PPFIA2: variants seen among roughly 807,000 people sequenced by gnomAD.
The protein encoded by PPFIA2 is liprin-alpha-2.
Under a neutral mutation model 175.5 loss-of-function variants are expected in PPFIA2, and 46 were observed. That is an observed-to-expected ratio of 0.26 (90% CI 0.21 to 0.34). PPFIA2 has a LOEUF of 0.34. Ranked by LOEUF, PPFIA2 falls within the 10% of genes least tolerant of loss-of-function variation. PPFIA2 has a pLI of 1.00. For missense variants in PPFIA2, 1,179 were observed against 1,506.1 expected, an observed-to-expected ratio of 0.78 and a Z score of 3.60; for synonymous variants, 568 against 511.4, an observed-to-expected ratio of 1.11 and a Z score of -1.49.
chr12:81,640,870 T>A (rs1238008960), intron 4 of PPFIA2, among the ~76,000 whole-genome samples: 2 of 151,966 alleles, frequency 1.3e-5, no homozygotes, highest in Non-Finnish European at 2.9e-5. Context: ...CATTTACAGT[T>A]TTTTTTTGCA....
intron 4 of PPFIA2, among the ~76,000 whole-genome samples, chr12:81,582,913 T>C (rs982002126): frequency 1.8e-4 from 27 of 151,514 alleles, no homozygotes; most frequent in Non-Finnish European, 3.5e-4. Flanking sequence ...TTCCGGGGAG[T>C]TTTTCTATTT....
At chr12:81,733,577 A>AT (rs1478524316) in intron 3 of PPFIA2, among the ~76,000 whole-genome samples, 3 of 151,688 alleles carry the variant, frequency 2.0e-5, no homozygotes, top group Admixed American at 2.0e-4. Context: ...CTTTTCTGAG[A>AT]TTTTATCTAT....
In PPFIA2 at chr12:81,500,186, C is replaced by G. The variant is rs575625951; in HGVS notation, c.304-42320G>C. ...GCCATATTCAAATCAAAATCCTGCCCTTTGGTAGTTATAAGACACACAAAA... is the reference window on the plus strand; with the variant it reads ...GCCATATTCAAATCAAAATCCTGCCGTTTGGTAGTTATAAGACACACAAAA... On this transcript the variant is annotated intron_variant, in intron 4 of 32. Transcript: ENST00000549396. 3.8e-3 allele frequency among the ~76,000 whole-genome samples: 575 copies of G among 152,236 alleles called. 3 individuals carry two copies. The highest frequency in any genetic ancestry group is 0.013 in the African/African-American group (538 of 41,532).
chr12:81,428,181 C>T (rs1271242113), intron 7 of PPFIA2, among the ~76,000 whole-genome samples: 1 of 151,716 alleles, frequency 6.6e-6, no homozygotes, highest in Non-Finnish European at 1.5e-5. Flanking sequence ...AAAAAGCATT[C>T]AAAATCTCCA....
At chr12:81,413,182 T>C (rs1437748694) in intron 7 of PPFIA2, among the ~76,000 whole-genome samples, 3 of 151,762 alleles carry the variant, frequency 2.0e-5, no homozygotes, top group African/African-American at 7.3e-5. Flanking sequence ...CATTACTTAT[T>C]CTCAGTTCTT....
At chr12:81,568,106 T>C (rs532373605) in intron 4 of PPFIA2, among the ~76,000 whole-genome samples, 1 of 152,242 alleles carries the variant, frequency 6.6e-6, no homozygotes, top group Admixed American at 6.5e-5. Context: ...GCAATTCATG[T>C]AAACTTCCTC....
intron 4 of PPFIA2, among the ~76,000 whole-genome samples, chr12:81,675,199 T>TACACAC (rs34965629): frequency 2.7e-5 from 4 of 148,562 alleles, no homozygotes; most frequent in Non-Finnish European, 6.0e-5. Context: ...TATACACACA[T>TACACAC]ACACACACAC....
rs550931766 is a variant in PPFIA2 at position 81,725,151 on chromosome 12, G to C, written c.249+28822C>G. 8.0e-5 allele frequency among the ~76,000 whole-genome samples: 12 copies of C among 150,610 alleles called. No individual in the cohort carries two copies. The South Asian group carries it at 2.5e-3, about 31-fold the overall frequency. On this transcript the variant is annotated intron_variant, in intron 3 of 32. Coordinates refer to ENST00000549396, the MANE Select transcript of PPFIA2 (RefSeq NM_003625.5). ...ATTAATTCAGCTTTTTTTCAGTTAT[G>C]TCAGATCAAGGGAACAAAAATAATA...
intron 4 of PPFIA2, among the ~76,000 whole-genome samples, chr12:81,657,928 C>T (rs1421116546): frequency 6.6e-6 from 1 of 152,080 alleles, no homozygotes; most frequent in Non-Finnish European, 1.5e-5. Flanking sequence ...CAAAATTAAT[C>T]ATTTATTTAT....
chr12:81,268,349 G>T (rs376583255), intron 28 of PPFIA2, among the ~76,000 whole-genome samples: 1 of 151,160 alleles, frequency 6.6e-6, no homozygotes, highest in African/African-American at 2.4e-5. Flanking sequence ...CGTTTTAGCC[G>T]GGATGGTCTC....
At chr12:81,609,836 G>A (rs1194060946) in intron 4 of PPFIA2, among the ~76,000 whole-genome samples, 1 of 152,144 alleles carries the variant, frequency 6.6e-6, no homozygotes, top group African/African-American at 2.4e-5. Flanking sequence ...TGGTTGCTAT[G>A]TAGATTTGAT....
chr12:81,730,964 T>A (rs960680952), intron 3 of PPFIA2, among the ~76,000 whole-genome samples: 2 of 151,526 alleles, frequency 1.3e-5, no homozygotes, highest in African/African-American at 4.8e-5. Context: ...GAATGAAGAA[T>A]CCCTATTTAA....
At chr12:81,270,186 T>C (rs2038665227) in intron 28 of PPFIA2, among the ~76,000 whole-genome samples, 1 of 152,260 alleles carries the variant, frequency 6.6e-6, no homozygotes, top group Non-Finnish European at 1.5e-5. Flanking sequence ...ATGTGTTTAC[T>C]TGTTAGCAGA....
intron 6 of PPFIA2, among the ~76,000 whole-genome samples, chr12:81,443,888 G>A (rs539222475): frequency 2.8e-5 from 3 of 108,974 alleles, no homozygotes; most frequent in South Asian, 2.9e-4. Flanking sequence ...ACGGAGTCTC[G>A]CTGTCACCCA....
intron 4 of PPFIA2, among the ~76,000 whole-genome samples, chr12:81,657,112 T>C (rs1040508798): frequency 6.6e-6 from 1 of 152,198 alleles, no homozygotes; most frequent in Non-Finnish European, 1.5e-5. Flanking sequence ...AAAGACTGTC[T>C]AGTTACAGAA....
intron 7 of PPFIA2, among the ~76,000 whole-genome samples, chr12:81,433,439 C>T (rs553208541): frequency 6.6e-6 from 1 of 152,112 alleles, no homozygotes; most frequent in Non-Finnish European, 1.5e-5. Flanking sequence ...GTTAGTTATA[C>T]GTGTATACGT....
At chr12:81,435,049 T>C (rs2144702161) in intron 7 of PPFIA2, among the ~76,000 whole-genome samples, 1 of 152,310 alleles carries the variant, frequency 6.6e-6, no homozygotes, top group East Asian at 1.9e-4. Context: ...TTGGGGCTTT[T>C]TCCAGAAAAG....
At chr12:81,397,975 G>C (rs775512102) in intron 8 of PPFIA2, among the ~76,000 whole-genome samples, 2 of 152,022 alleles carry the variant, frequency 1.3e-5, no homozygotes, top group Middle Eastern at 6.8e-3. Flanking sequence ...GGACCATCTA[G>C]TTGCAGGAAA....
intron 7 of PPFIA2, among the ~76,000 whole-genome samples, chr12:81,422,511 G>T (rs1334411394): frequency 6.6e-6 from 1 of 152,056 alleles, no homozygotes; most frequent in Non-Finnish European, 1.5e-5. Flanking sequence ...AAAAAATGTG[G>T]CCAAGCAACC....
Sources: allele counts gnomAD v4.1 joint callset (sites outside exome capture counted in the v4.1 genomes callset), GRCh38; gene constraint gnomAD v4.1.1; transcripts MANE v1.5; gene names NCBI Gene and HGNC (gene_info 2026-07-23, HGNC 2026-07-21).